ERICH6B: variants seen among roughly 807,000 people sequenced by gnomAD.
The protein encoded by ERICH6B is glutamate-rich protein 6B.
ERICH6B carries 69 observed loss-of-function variants against 80.0 expected under a neutral mutation model. That is an observed-to-expected ratio of 0.86 (90% CI 0.71 to 1.05). The LOEUF (loss-of-function observed/expected upper bound fraction) is 1.05. Among genes scored for constraint, ERICH6B ranks in the 50% least tolerant of loss-of-function variants. The probability of loss-of-function intolerance (pLI) is 0.00; values close to 1 mark genes in which losing one functional copy is unlikely to be tolerated. For synonymous variants in ERICH6B, 283 were observed against 291.9 expected, an observed-to-expected ratio of 0.97 and a Z score of 0.31; for missense variants, 754 against 796.1, an observed-to-expected ratio of 0.95 and a Z score of 0.64.
At chr13:45,572,749 A>G (rs750903136) in intron 8 of ERICH6B, among the ~76,000 whole-genome samples, 1 of 152,236 alleles carries the variant, frequency 6.6e-6, no homozygotes, top group Non-Finnish European at 1.5e-5. Flanking sequence ...CATATATTAA[A>G]AACCCTCACA....
At chr13:45,606,513 A>ATG (rs1949862037) in intron 2 of ERICH6B, among the ~76,000 whole-genome samples, 1 of 22,916 alleles carries the variant, frequency 4.4e-5, no homozygotes, top group Non-Finnish European at 7.0e-5. Context: ...GTGTATATAT[A>ATG]TATATATATA....
In ERICH6B at chr13:45,596,705, C is replaced by A. The variant is rs375601783; in HGVS notation, c.301G>T (p.Ala101Ser). ...HLEEEEYLEK[A>S]GYLEEEEYIE... is the part of the protein sequence containing the mutation. ...TACTCTTCCTCCTCCAGATACCCTG[C>A]CTTCTCCAGATACTCTTCCTCCTCC... The change falls in exon 3 of 15, where the codon GCA becomes TCA. Residue 101 changes from alanine to serine, a missense_variant. Transcript: ENST00000298738. 5 of 1,551,810 alleles carry A rather than the reference C, an allele frequency of 3.2e-6. No individual in the cohort carries two copies. The highest frequency in any genetic ancestry group is 4.4e-6 in the Non-Finnish European group (5 of 1,147,042).
At chr13:45,563,502 C>G (rs1375549179) in intron 10 of ERICH6B, among the ~76,000 whole-genome samples, 1 of 152,164 alleles carries the variant, frequency 6.6e-6, no homozygotes, top group East Asian at 1.9e-4. Flanking sequence ...TGTTCAGATC[C>G]CCCACCTGCC....
At chr13:45,601,058 T>C (rs919735950) in intron 2 of ERICH6B, among the ~76,000 whole-genome samples, 6 of 152,168 alleles carry the variant, frequency 3.9e-5, no homozygotes, top group Non-Finnish European at 8.8e-5. Context: ...AGCCTGAATC[T>C]CCCTTACCCC....
chr13:45,605,199 C>A (rs1043474128), intron 2 of ERICH6B, among the ~76,000 whole-genome samples: 2 of 152,230 alleles, frequency 1.3e-5, no homozygotes, highest in South Asian at 4.1e-4. Context: ...AGGTGCAGTG[C>A]CCCCACCTCA....
intron 2 of ERICH6B, among the ~76,000 whole-genome samples, chr13:45,599,479 G>T (rs1408772536): frequency 6.6e-6 from 1 of 152,168 alleles, no homozygotes; most frequent in Non-Finnish European, 1.5e-5. Context: ...CTCCCATCAG[G>T]CAGTAGCAAA....
rs1873765776 is a variant in ERICH6B at position 45,541,407 on chromosome 13, C to T, written c.*55G>A. 2 of 1,467,168 alleles carry T rather than the reference C, an allele frequency of 1.4e-6. No homozygotes were observed. The highest frequency in any genetic ancestry group is 1.9e-6 in the Non-Finnish European group (2 of 1,079,834). 90.9% of individuals were successfully genotyped at this position (1,467,168 alleles called of 1,614,324 possible). ...GTCTTTGGGTTTTTTTTCCCTGGAG[C>T]TCCCAAGGTCTCCAACTTCCTAAGG... On this transcript the variant is annotated 3_prime_UTR_variant, in exon 15 of 15. Coordinates refer to ENST00000298738, the MANE Select transcript of ERICH6B (RefSeq NM_182542.3).
intron 5 of ERICH6B, among the ~76,000 whole-genome samples, chr13:45,586,441 C>T (rs1293995824): frequency 6.6e-6 from 1 of 152,136 alleles, no homozygotes; most frequent in African/African-American, 2.4e-5. Flanking sequence ...TTCGGTCTTC[C>T]ACCCCCAGGG....
chr13:45,607,207 T>C (rs1331854818), intron 2 of ERICH6B, among the ~76,000 whole-genome samples: 1 of 152,170 alleles, frequency 6.6e-6, no homozygotes, highest in African/African-American at 2.4e-5. Flanking sequence ...TCAGGTTTTG[T>C]GGAAAAATGA....
chr13:45,549,900 C>G lies in ERICH6B; in HGVS notation c.1639G>C (p.Asp547His). Residue 547 changes from aspartate to histidine, a missense_variant, in exon 13 of 15, where the codon GAT (aspartate) becomes CAT (histidine). By Grantham distance (81) the Asp-to-His change is moderately conservative (BLOSUM62 -1). Coordinates refer to ENST00000298738, the MANE Select transcript of ERICH6B (RefSeq NM_182542.3). ...CTCATGACCCAAGCTTACCAGATAT[C>G]ACTATTTTCATCATAGAAGGTAGCA... ...GNATFYDENS[D>H]IWLNLSSNLG... 1.3e-6 allele frequency: 2 copies of G among 1,550,588 alleles called. No individual in the cohort carries two copies. Among genetic ancestry groups the G allele is most frequent in the Non-Finnish European group, 8.7e-7 (1 of 1,146,836 alleles).
chr13:45,574,790 C>T (rs1209739352), intron 8 of ERICH6B, 52 bp downstream of exon 8: 2 of 1,417,146 alleles, frequency 1.4e-6, no homozygotes, highest in Admixed American at 3.9e-5. Flanking sequence ...CTTGGGCCAC[C>T]CTACATTTGG....
intron 5 of ERICH6B, among the ~76,000 whole-genome samples, chr13:45,586,633 T>G (rs1346807811): frequency 6.6e-6 from 1 of 152,054 alleles, no homozygotes; most frequent in African/African-American, 2.4e-5. Context: ...GGTGGGCCCA[T>G]GTCCCATTTT....
chr13:45,572,110 A>G (rs556905483), intron 8 of ERICH6B, among the ~76,000 whole-genome samples: 66 of 152,348 alleles, frequency 4.3e-4, no homozygotes, highest in Non-Finnish European at 3.2e-4. Flanking sequence ...CTGGTTTTCA[A>G]TTGAACTTTA....
At chr13:45,606,438 G>A (rs982609759) in intron 2 of ERICH6B, among the ~76,000 whole-genome samples, 18 of 144,444 alleles carry the variant, frequency 1.2e-4, no homozygotes, top group Non-Finnish European at 2.5e-4. Flanking sequence ...TGCCTCGCGG[G>A]GTGGTGGGCA....
chr13:45,559,971 G>T (rs980236688), intron 11 of ERICH6B, among the ~76,000 whole-genome samples: 5 of 152,128 alleles, frequency 3.3e-5, no homozygotes, highest in Non-Finnish European at 7.4e-5. Context: ...TTGATGACCT[G>T]TCTAGTGCTG....
intron 9 of ERICH6B, 85 bp from the exon 10 acceptor site, chr13:45,563,873 C>G: frequency 8.8e-7 from 1 of 1,134,604 alleles, no homozygotes; most frequent in Non-Finnish European, 1.3e-6. Context: ...AGTACTGGAG[C>G]CTGCAGAGTC....
intron 10 of ERICH6B, among the ~76,000 whole-genome samples, chr13:45,563,242 C>G (rs767491530): frequency 6.6e-6 from 1 of 152,114 alleles, no homozygotes; most frequent in Non-Finnish European, 1.5e-5. Flanking sequence ...TGTGTTAGAT[C>G]CCTTACTGTG....
chr13:45,585,349 A>G (rs1002324014), intron 5 of ERICH6B, among the ~76,000 whole-genome samples: 3 of 152,192 alleles, frequency 2.0e-5, no homozygotes, highest in Non-Finnish European at 4.4e-5. Flanking sequence ...ATGGTGACCC[A>G]GGACCCAGGA....
At chr13:45,556,944 G>C (rs1185451107) in intron 11 of ERICH6B, among the ~76,000 whole-genome samples, 2 of 152,114 alleles carry the variant, frequency 1.3e-5, no homozygotes, top group African/African-American at 4.8e-5. Flanking sequence ...TTTCCTCTGG[G>C]TAAATACTCA....
Sources: gnomAD v4.1 joint callset for allele counts (sites outside exome capture counted in the v4.1 genomes callset) on GRCh38, gnomAD v4.1.1 for gene constraint, MANE v1.5 for transcripts, NCBI Gene and HGNC (gene_info 2026-07-23, HGNC 2026-07-21) for gene names.